The following LRRTM4 variants were observed in gnomAD, a reference collection of about 807,000 sequenced individuals.
LRRTM4 encodes leucine rich repeat transmembrane neuronal 4.
Under a neutral mutation model 47.6 loss-of-function variants are expected in LRRTM4, and 25 were observed. The observed-to-expected ratio is 0.53, with a 90% confidence interval of 0.38 to 0.73. LRRTM4 has a LOEUF of 0.73. Ranked by LOEUF, LRRTM4 falls within the 30% of genes least tolerant of loss-of-function variation. The pLI, the probability that LRRTM4 is intolerant of heterozygous loss-of-function variation, is 0.00. For missense variants in LRRTM4, 638 were observed against 713.4 expected (o/e 0.89, Z 1.20); for synonymous variants, 311 against 269.5 (o/e 1.15, Z -1.51).
At chr2:77,119,214 T>A (rs1237952893) in intron 3 of LRRTM4, among the ~76,000 whole-genome samples, 1 of 152,006 alleles carries the variant, frequency 6.6e-6, no homozygotes, top group East Asian at 1.9e-4. Context: ...CTAACTTCCA[T>A]CTTCTCTTTT....
intron 3 of LRRTM4, among the ~76,000 whole-genome samples, chr2:76,764,073 G>C (rs373955639): frequency 1.3e-5 from 2 of 152,140 alleles, no homozygotes; most frequent in African/African-American, 4.8e-5. Context: ...AAAATTGTTA[G>C]TGATGAAACT....
intron 3 of LRRTM4, among the ~76,000 whole-genome samples, chr2:77,076,881 A>G (rs1680353830): frequency 6.6e-6 from 1 of 152,164 alleles, no homozygotes; most frequent in Non-Finnish European, 1.5e-5. Context: ...ATAAGTACTA[A>G]AATTTACATC....
chr2:77,469,436 T>C (rs1163845585), intron 3 of LRRTM4, among the ~76,000 whole-genome samples: 1 of 37,210 alleles, frequency 2.7e-5, no homozygotes, highest in African/African-American at 8.7e-5. Flanking sequence ...AGAGAGCTAA[T>C]GTACTCAAAA....
chr2:77,056,551 A>T (rs1679615784), intron 3 of LRRTM4, among the ~76,000 whole-genome samples: 1 of 152,172 alleles, frequency 6.6e-6, no homozygotes, highest in Non-Finnish European at 1.5e-5. Context: ...AGATGAAAGT[A>T]ATTGAAAAAA....
chr2:77,021,515 G>A (rs17089), intron 3 of LRRTM4, among the ~76,000 whole-genome samples: 33,798 of 152,040 alleles, frequency 0.22, 4,239 homozygotes, highest in East Asian at 0.41. Context: ...AAGCAAAAAC[G>A]TGATAAGTGA....
At chr2:77,428,622 T>C (rs1675224332) in intron 3 of LRRTM4, among the ~76,000 whole-genome samples, 1 of 152,192 alleles carries the variant, frequency 6.6e-6, no homozygotes. Flanking sequence ...TCTAAATAAT[T>C]TTAGTATCAA....
intron 3 of LRRTM4, among the ~76,000 whole-genome samples, chr2:77,501,550 G>A (rs1678571335): frequency 1.3e-5 from 2 of 150,654 alleles, no homozygotes; most frequent in Non-Finnish European, 3.0e-5. Flanking sequence ...AAAAAATAAA[G>A]TGAATAGTTA....
chr2:77,407,069 C>T (rs538682111), intron 3 of LRRTM4, among the ~76,000 whole-genome samples: 33 of 152,168 alleles, frequency 2.2e-4, no homozygotes, highest in South Asian at 1.0e-3. Context: ...TTATTCCTTA[C>T]GACGAGATTA....
chr2:77,318,608 A>G (rs1677690204), intron 3 of LRRTM4, among the ~76,000 whole-genome samples: 1 of 152,212 alleles, frequency 6.6e-6, no homozygotes, highest in African/African-American at 2.4e-5. Flanking sequence ...GTGGCTTGAA[A>G]TAGGATAGTT....
chr2:77,090,438 T>C (rs564252942), intron 3 of LRRTM4, among the ~76,000 whole-genome samples: 29 of 152,246 alleles, frequency 1.9e-4, no homozygotes, highest in Middle Eastern at 6.8e-3. Context: ...CGACATTAAA[T>C]AAAACTCCAA....
intron 3 of LRRTM4, among the ~76,000 whole-genome samples, chr2:76,988,745 C>A (rs1676897165): frequency 6.6e-6 from 1 of 151,606 alleles, no homozygotes; most frequent in African/African-American, 2.4e-5. Context: ...ACAGGTGGTC[C>A]TCCTCCACCC....
chr2:77,299,258 T>TAC (rs912276213), intron 3 of LRRTM4, among the ~76,000 whole-genome samples: 89 of 67,286 alleles, frequency 1.3e-3, no homozygotes, highest in East Asian at 5.6e-3. Context: ...TATATATATA[T>TAC]ACACACACAC....
intron 3 of LRRTM4, among the ~76,000 whole-genome samples, chr2:77,221,642 A>C (rs1253298142): frequency 1.3e-5 from 2 of 152,086 alleles, no homozygotes; most frequent in Admixed American, 1.3e-4. Flanking sequence ...GATCAATTCA[A>C]CAAGAAGAGC....
chr2:77,087,768 T>C (rs779466513), intron 3 of LRRTM4, among the ~76,000 whole-genome samples: 18 of 152,108 alleles, frequency 1.2e-4, no homozygotes, highest in Non-Finnish European at 2.1e-4. Flanking sequence ...CAAAATAGAA[T>C]GAGAATATAT....
At chr2:77,048,047 C>A (rs1558548639) in intron 3 of LRRTM4, among the ~76,000 whole-genome samples, 1 of 151,912 alleles carries the variant, frequency 6.6e-6, no homozygotes, top group Admixed American at 6.6e-5. Context: ...CAAAACATAT[C>A]TCTCGATTAT....
chr2:77,355,064 A>T (rs1040853041), intron 3 of LRRTM4, among the ~76,000 whole-genome samples: 2 of 152,184 alleles, frequency 1.3e-5, no homozygotes, highest in African/African-American at 2.4e-5. Context: ...AAAGAACATG[A>T]TCCTCTCATG....
intron 3 of LRRTM4, among the ~76,000 whole-genome samples, chr2:76,983,215 G>A (rs1262636239): frequency 1.3e-5 from 2 of 152,110 alleles, no homozygotes; most frequent in East Asian, 1.9e-4. Flanking sequence ...GTAATGGTAT[G>A]GTTAGAATGA....
At chr2:77,061,780 C>T (rs1679793612) in intron 3 of LRRTM4, among the ~76,000 whole-genome samples, 1 of 152,150 alleles carries the variant, frequency 6.6e-6, no homozygotes, top group South Asian at 2.1e-4. Context: ...TGTGAACAAT[C>T]ATGAGTTAAT....
intron 3 of LRRTM4, among the ~76,000 whole-genome samples, chr2:76,931,701 G>C (rs1443695653): frequency 6.6e-6 from 1 of 152,124 alleles, no homozygotes; most frequent in African/African-American, 2.4e-5. Context: ...TTGATTTAAA[G>C]AAGAAAAGTA....
Sources: gnomAD v4.1 joint callset for allele counts (sites outside exome capture counted in the v4.1 genomes callset) on GRCh38, gnomAD v4.1.1 for gene constraint, MANE v1.5 for transcripts, NCBI Gene and HGNC (gene_info 2026-07-23, HGNC 2026-07-21) for gene names.